TEX15: variants seen among roughly 807,000 people sequenced by gnomAD.
TEX15 encodes testis-expressed protein 15.
A neutral mutation model predicts 237.3 loss-of-function variants in TEX15; 171 were observed. That is an observed-to-expected ratio of 0.72 (90% CI 0.64 to 0.82). The LOEUF is 0.82. TEX15 is among the 40% of genes least tolerant of loss of function. The pLI is 0.00. For missense variants in TEX15, 3,750 were observed against 3,646.5 expected (o/e 1.03, Z -0.73); for synonymous variants, 1,338 against 1,269.8 (o/e 1.05, Z -1.14).
At chr8:30,891,965 T>C (rs1005689641) in intron 2 of TEX15, among the ~76,000 whole-genome samples, 1 of 152,226 alleles carries the variant, frequency 6.6e-6, no homozygotes, top group African/African-American at 2.4e-5. Flanking sequence ...CTTTTAAAAA[T>C]TGTATTTTCA....
chr8:30,868,614 C>T (rs1808225749), intron 4 of TEX15, among the ~76,000 whole-genome samples: 1 of 151,950 alleles, frequency 6.6e-6, no homozygotes, highest in African/African-American at 2.4e-5. Context: ...GCAAGACTGA[C>T]TGATTAGATA....
chr8:30,883,971 T>C (rs1326633906), intron 3 of TEX15, among the ~76,000 whole-genome samples: 1 of 152,170 alleles, frequency 6.6e-6, no homozygotes, highest in Non-Finnish European at 1.5e-5. Flanking sequence ...CATTCTTGCT[T>C]GATTCTTGGG....
At chr8:30,876,396 G>A (rs991725355) in intron 3 of TEX15, among the ~76,000 whole-genome samples, 1 of 152,100 alleles carries the variant, frequency 6.6e-6, no homozygotes, top group African/African-American at 2.4e-5. Flanking sequence ...CTGACTCTGG[G>A]TAATGTGACC....
At position 30,848,269 on chromosome 8, in the gene TEX15, T is replaced by A; in HGVS notation, c.1898A>T (p.His633Leu). 1 of 1,612,264 alleles carries A rather than the reference T, an allele frequency of 6.2e-7. No homozygotes were observed. Among genetic ancestry groups the A allele is most frequent in the East Asian group, 2.2e-5 (1 of 44,880 alleles). The change falls in exon 8 of 11, where the codon CAT becomes CTT. Residue 633 changes from histidine (H) to leucine (L), a missense_variant. Physicochemically the swap from His to Leu is moderately conservative, Grantham distance 99. Coordinates refer to ENST00000643185, the MANE Select transcript of TEX15 (RefSeq NM_001350162.2). ...TTTCCATGAAGTTTGCTTTTCTTCA[T>A]GTTTGGAACTGTCTTCCAGGTCAGC... is the stretch of plus-strand genomic sequence containing the variant. ...NFADLEDSSK[H>L]EEKQTSWKEI... is the part of the protein sequence containing the mutation.
intron 3 of TEX15, among the ~76,000 whole-genome samples, chr8:30,879,301 T>C (rs1181434886): frequency 6.6e-6 from 1 of 152,236 alleles, no homozygotes; most frequent in Non-Finnish European, 1.5e-5. Context: ...AGTGAATTTC[T>C]TCTTTCTTTT....
At chr8:30,889,470 T>C (rs966225774) in intron 2 of TEX15, among the ~76,000 whole-genome samples, 6 of 152,162 alleles carry the variant, frequency 3.9e-5, no homozygotes, top group South Asian at 2.1e-4. Context: ...AAAAATTACA[T>C]ATTCAAGAAA....
At position 30,845,935 on chromosome 8, in the gene TEX15, G is replaced by C. The variant is rs751540666; in HGVS notation, c.4232C>G (p.Pro1411Arg). 2.5e-6 allele frequency: 4 copies of C among 1,613,074 alleles called. No homozygotes were observed. The highest frequency in any genetic ancestry group is 1.7e-5 in the Admixed American group (1 of 59,922). Residue 1411 changes from proline (P) to arginine (R), a missense_variant, in exon 8 of 11, where the codon CCA (proline) becomes CGA (arginine). Pro to Arg is a moderately radical substitution (Grantham distance 103). Coordinates refer to ENST00000643185, the MANE Select transcript of TEX15 (RefSeq NM_001350162.2). ...ITKVGEERKG[P>R]LPKSYAIICN... is the part of the protein sequence containing the mutation. ...TATTATTGCATATGATTTTGGTAAT[G>C]GGCCCTTTCTTTCTTCTCCTACTTT...
In TEX15 at chr8:30,845,637, A is replaced by G. The variant is rs777093424; in HGVS notation, c.4530T>C (p.Cys1510=). The G allele has an allele frequency of 6.2e-6, 10 of 1,613,610 alleles. No homozygotes were observed. In the Middle Eastern group the frequency reaches 4.9e-4, roughly 80 times the overall value. The part of the protein sequence containing the change: ...HPTTSHMGEF[C]NQEHPESQLP... ...ACTGTGATTCAGGATGTTCTTGATTACAAAATTCTCCCATGTGACTGGTGG... is the reference window on the plus strand; with the variant it reads ...ACTGTGATTCAGGATGTTCTTGATTGCAAAATTCTCCCATGTGACTGGTGG... The change falls in exon 8 of 11, where the codon TGT becomes TGC. Residue 1510 remains cysteine (C), a synonymous_variant. Transcript: ENST00000643185.
intron 3 of TEX15, among the ~76,000 whole-genome samples, chr8:30,876,466 C>T (rs981909842): frequency 6.6e-6 from 1 of 152,080 alleles, no homozygotes; most frequent in Non-Finnish European, 1.5e-5. Context: ...TTTAATTAGC[C>T]ATAACGAAAT....
chr8:30,906,886 C>G (rs757343990), intron 1 of TEX15, among the ~76,000 whole-genome samples: 2 of 152,060 alleles, frequency 1.3e-5, no homozygotes, highest in South Asian at 4.1e-4. Flanking sequence ...TTGAAAGACA[C>G]AAAAAATTGC....
At position 30,842,146 on chromosome 8, in the gene TEX15, G is replaced by T; in HGVS notation, c.8021C>A (p.Ser2674Tyr). The change falls in exon 8 of 11, where the codon TCT becomes TAT. Residue 2674 changes from serine (S) to tyrosine (Y), a missense_variant. Ser to Tyr is a moderately radical substitution (Grantham distance 144, BLOSUM62 -2). Coordinates refer to ENST00000643185, the MANE Select transcript of TEX15 (RefSeq NM_001350162.2). ...PGENNNKFSI[S>Y]TMLPPVSECI... is the part of the protein sequence containing the mutation. ...CTCTGATACTGGGGGCAACATCGTA[G>T]AAATACTAAATTTATTGTTATTTTC... 1 of 1,612,688 alleles carries T rather than the reference G, an allele frequency of 6.2e-7. No individual in the cohort carries two copies. Among genetic ancestry groups the T allele is most frequent in the Non-Finnish European group, 8.5e-7 (1 of 1,179,316 alleles).
chr8:30,864,917 A>C (rs1475544593), intron 5 of TEX15, among the ~76,000 whole-genome samples: 1 of 152,132 alleles, frequency 6.6e-6, no homozygotes, highest in Admixed American at 6.5e-5. Flanking sequence ...TCAGTTTTAA[A>C]TAACTTGTTT....
chr8:30,882,432 G>A (rs1304960113), intron 3 of TEX15, among the ~76,000 whole-genome samples: 2 of 152,056 alleles, frequency 1.3e-5, no homozygotes, highest in African/African-American at 4.8e-5. Flanking sequence ...GACTACAGGC[G>A]GCCGCCACCA....
intron 7 of TEX15, among the ~76,000 whole-genome samples, chr8:30,850,326 A>G (rs1047284712): frequency 9.2e-5 from 14 of 152,346 alleles, no homozygotes; most frequent in African/African-American, 3.4e-4. Context: ...GAATTTACAA[A>G]ATGCATATTT....
chr8:30,842,710 A>C lies in TEX15; in HGVS notation c.7457T>G (p.Val2486Gly). 1 of 1,613,438 alleles carries C rather than the reference A, an allele frequency of 6.2e-7. No individual in the cohort carries two copies. The highest frequency in any genetic ancestry group is 8.5e-7 in the Non-Finnish European group (1 of 1,179,824). The change falls in exon 8 of 11, where the codon GTT becomes GGT. Residue 2486 changes from valine (V) to glycine (G), a missense_variant. Coordinates refer to ENST00000643185, the MANE Select transcript of TEX15 (RefSeq NM_001350162.2). ...AGAAGCCATTTTTTCTTGGCACTGAACCAGCTCAGGAAGAAGTGACAAATC... is the reference window on the plus strand; with the variant it reads ...AGAAGCCATTTTTTCTTGGCACTGACCCAGCTCAGGAAGAAGTGACAAATC... ...WFDLSLLPEL[V>G]QCQEKMASFS...
chr8:30,866,585 C>T (rs1031903246), intron 5 of TEX15, among the ~76,000 whole-genome samples: 1 of 152,044 alleles, frequency 6.6e-6, no homozygotes, highest in African/African-American at 2.4e-5. Context: ...TTTCCCATAT[C>T]TTTAAAAATT....
rs1388675232 is a variant in TEX15 at position 30,847,809 on chromosome 8, A to G, written c.2358T>C (p.Tyr786=). 6.2e-6 allele frequency: 10 copies of G among 1,613,754 alleles called. No homozygotes were observed. The highest frequency in any genetic ancestry group is 1.6e-4 in the Middle Eastern group (1 of 6,082). Residue 786 remains tyrosine (Y), a synonymous_variant, in exon 8 of 11, where the codon TAT becomes TAC. Transcript: ENST00000643185. ...EMFIDTVISS[Y]NIETAHDSSN... Reference sequence around the variant, plus strand: ...AACTGTCATGAGCTGTTTCTATGTTATAAGATGAAATAACTGTATCAATGA... The same window carrying G: ...AACTGTCATGAGCTGTTTCTATGTTGTAAGATGAAATAACTGTATCAATGA...
rs1340557675 is a variant in TEX15, at chr8:30,867,378, A to G, written c.427T>C (p.Leu143=). ...QNGISTRAST[L]KILGNPLLGI... is the part of the protein sequence containing the mutation. ...AGAAGAGGATTTCCTAGTATCTTCA[A>G]TGTAGATGCTCTGGTACTTATTCCA... The change falls in exon 5 of 11, where the codon TTG becomes CTG. Residue 143 remains leucine (L), a synonymous_variant. Coordinates refer to ENST00000643185, the MANE Select transcript of TEX15 (RefSeq NM_001350162.2). The G allele has an allele frequency of 6.6e-7, 1 of 1,526,544 alleles. No homozygotes were observed. Among genetic ancestry groups the G allele is most frequent in the South Asian group, 1.2e-5 (1 of 83,846 alleles). The allele number at this position is 1,526,544 out of a possible 1,614,324, so 94.6% of individuals were successfully genotyped here. A position where few individuals can be genotyped will look rare whatever the true frequency, so the allele number is the denominator to read the frequency against.
At chr8:30,853,366 C>A (rs1213976880) in intron 7 of TEX15, among the ~76,000 whole-genome samples, 1 of 152,126 alleles carries the variant, frequency 6.6e-6, no homozygotes, top group Non-Finnish European at 1.5e-5. Context: ...CCCTGCCTGG[C>A]AACAGCAGAA....
Sources: allele counts gnomAD v4.1 joint callset (sites outside exome capture counted in the v4.1 genomes callset), GRCh38; gene constraint gnomAD v4.1.1; transcripts MANE v1.5; gene names NCBI Gene and HGNC (gene_info 2026-07-23, HGNC 2026-07-21).